Variants in HIKESHI observed in about 807,000 individuals in gnomAD.
The protein encoded by HIKESHI is heat shock protein nuclear import factor hikeshi.
Under a neutral mutation model 25.7 loss-of-function variants are expected in HIKESHI, and 13 were observed. The ratio of observed to expected loss-of-function variants is 0.51; its 90% CI spans 0.33 to 0.80. The LOEUF (loss-of-function observed/expected upper bound fraction) is 0.80, where lower values mean the gene tolerates loss of function less well. Among genes scored for constraint, HIKESHI ranks in the 30% least tolerant of loss-of-function variants. The pLI is 0.02. For synonymous variants in HIKESHI, 76 were observed against 78.7 expected (o/e 0.97, Z 0.18); for missense variants, 174 against 229.5 (o/e 0.76, Z 1.56).
At chr11:86,307,619 T>C (rs1405309832) in intron 2 of HIKESHI, among the ~76,000 whole-genome samples, 1 of 103,398 alleles carries the variant, frequency 9.7e-6, no homozygotes, top group African/African-American at 3.4e-5. Flanking sequence ...ATAAAATATA[T>C]ATTATGTGTA....
In HIKESHI at chr11:86,341,708, G is replaced by A. The variant is rs560697843; in HGVS notation, c.421-2895G>A. 2.0e-4 allele frequency among the ~76,000 whole-genome samples: 30 copies of A among 151,784 alleles called. No individual in the cohort carries two copies. The South Asian group carries it at 6.0e-3, about 30-fold the overall frequency. ...TTGCCCAGACTGTCCTTTCTTTTTT[G>A]TTCTACTGTTGACTGACTATTCTCT... On this transcript the variant is annotated intron_variant, in intron 3 of 4. Coordinates refer to ENST00000278483, the MANE Select transcript of HIKESHI (RefSeq NM_016401.4).
At chr11:86,340,437 C>T (rs550625950) in intron 3 of HIKESHI, among the ~76,000 whole-genome samples, 17 of 152,286 alleles carry the variant, frequency 1.1e-4, no homozygotes, top group African/African-American at 3.6e-4. Flanking sequence ...TTTTAATGAT[C>T]GCCATTCTAA....
At chr11:86,305,593 C>T (rs146898330) in intron 1 of HIKESHI, among the ~76,000 whole-genome samples, 4,931 of 151,168 alleles carry the variant, frequency 0.033, 260 homozygotes, top group African/African-American at 0.11. Context: ...TCCATGTTGG[C>T]CAGGCTGGTT....
chr11:86,302,620 G>T, intron 1 of HIKESHI, 142 bp downstream of exon 1: 2 of 865,126 alleles, frequency 2.3e-6, no homozygotes, highest in Admixed American at 5.3e-5. Context: ...TGGAGCGTGG[G>T]AAGCTGGGTG....
Position 86,302,487 on chromosome 11 carries a change from G to A in HIKESHI, c.30+9G>A, listed in dbSNP as rs1285208980. On this transcript the variant is annotated intron_variant, in intron 1 of 4. Coordinates refer to ENST00000278483, the MANE Select transcript of HIKESHI (RefSeq NM_016401.4). ...TGGTGGCGGGGAGGCTGGTGAGGAT[G>A]GGACCGGGTGATATCAGGAAGGGGT... 3 of 1,557,298 alleles carry A rather than the reference G, an allele frequency of 1.9e-6. No individual in the cohort carries two copies. Among genetic ancestry groups the A allele is most frequent in the Non-Finnish European group, 2.6e-6 (3 of 1,150,388 alleles).
At chr11:86,312,964 G>A (rs964372315) in intron 2 of HIKESHI, among the ~76,000 whole-genome samples, 13 of 152,164 alleles carry the variant, frequency 8.5e-5, no homozygotes, top group African/African-American at 3.1e-4. Flanking sequence ...TGGGTAACCC[G>A]AGCTTTCTCT....
chr11:86,310,739 C>G (rs577691031), intron 2 of HIKESHI, among the ~76,000 whole-genome samples: 1 of 152,226 alleles, frequency 6.6e-6, no homozygotes, highest in South Asian at 2.1e-4. Flanking sequence ...TATGTGCCGT[C>G]AATACCAAGT....
chr11:86,303,888 A>G (rs1946556579), intron 1 of HIKESHI, among the ~76,000 whole-genome samples: 1 of 152,178 alleles, frequency 6.6e-6, no homozygotes, highest in Admixed American at 6.5e-5. Flanking sequence ...AGATTTGCAG[A>G]CTGTTCAGTA....
intron 2 of HIKESHI, among the ~76,000 whole-genome samples, chr11:86,322,138 C>T (rs983582456): frequency 3.3e-5 from 5 of 151,874 alleles, no homozygotes; most frequent in Non-Finnish European, 5.9e-5. Context: ...AGGTGAGCAC[C>T]GCCACACCCT....
In HIKESHI at chr11:86,312,490, G is replaced by T. The variant is rs188909597; in HGVS notation, c.268+6008G>T. Among the ~76,000 whole-genome samples, 33 of 152,070 alleles carry T rather than the reference G, an allele frequency of 2.2e-4. No homozygotes were observed. In the East Asian group the frequency reaches 4.2e-3, roughly 20 times the overall value. On this transcript the variant is annotated intron_variant, in intron 2 of 4. Transcript: ENST00000278483. The stretch of plus-strand genomic sequence containing the variant: ...ATGGGTCTCCTGAATACAGCACACC[G>T]ATGGGTCTTGACTCTTTATCCAATT...
At chr11:86,319,232 A>ATG (rs1316141248) in intron 2 of HIKESHI, among the ~76,000 whole-genome samples, 6 of 89,422 alleles carry the variant, frequency 6.7e-5, no homozygotes, top group African/African-American at 2.2e-4. Flanking sequence ...ATATATATAT[A>ATG]TATATATATA....
chr11:86,330,496 A>G (rs1947394696), intron 2 of HIKESHI, among the ~76,000 whole-genome samples: 2 of 152,212 alleles, frequency 1.3e-5, no homozygotes, highest in Non-Finnish European at 2.9e-5. Flanking sequence ...TATTTTCTTC[A>G]AAGTCTAGAA....
intron 2 of HIKESHI, among the ~76,000 whole-genome samples, chr11:86,336,555 G>T (rs1039368793): frequency 1.3e-5 from 2 of 152,152 alleles, no homozygotes; most frequent in Non-Finnish European, 2.9e-5. Flanking sequence ...TACCAAATCT[G>T]CCGGTTCCTT....
chr11:86,324,734 C>T (rs1410149502), intron 2 of HIKESHI, among the ~76,000 whole-genome samples: 1 of 152,126 alleles, frequency 6.6e-6, no homozygotes, highest in Non-Finnish European at 1.5e-5. Flanking sequence ...ATTGGGAAAA[C>T]CTTGCTAACT....
chr11:86,337,580 A>C, intron 3 of HIKESHI, 50 bp downstream of exon 3: 1 of 1,551,244 alleles, frequency 6.4e-7, no homozygotes, highest in Non-Finnish European at 8.8e-7. Context: ...CTGCTTTATT[A>C]AGGTATAATA....
rs531213457 is a variant in HIKESHI at position 86,336,176 on chromosome 11, A to C, written c.269-1203A>C. Among the ~76,000 whole-genome samples, 3 of 152,354 alleles carry C rather than the reference A, an allele frequency of 2.0e-5. No homozygotes were observed. In the East Asian group the frequency reaches 5.8e-4, roughly 29 times the overall value. On this transcript the variant is annotated intron_variant, in intron 2 of 4. Transcript: ENST00000278483. ...AATCAGTGAAGTCGAAGATAAATTA[A>C]TTGGAATATCCAGTTTGAAGAGCAG...
At chr11:86,342,723 ATTT>A (rs57183083) in intron 3 of HIKESHI, among the ~76,000 whole-genome samples, 1 of 148,882 alleles carries the variant, frequency 6.7e-6, no homozygotes, top group Non-Finnish European at 1.5e-5. Context: ...AATTTGTCCC[ATTT>A]TTTTTTTTTT....
Position 86,345,715 on chromosome 11 carries a change from G to T in HIKESHI, c.*77G>T. 1 of 799,678 alleles carries T rather than the reference G, an allele frequency of 1.3e-6. No homozygotes were observed. Among genetic ancestry groups the T allele is most frequent in the Non-Finnish European group, 2.0e-6 (1 of 512,770 alleles). The allele number at this position is 799,678 out of a possible 1,614,324, so 49.5% of individuals were successfully genotyped here. A position where few individuals can be genotyped will look rare whatever the true frequency, so the allele number is the denominator to read the frequency against. On this transcript the variant is annotated 3_prime_UTR_variant, in exon 5 of 5. Transcript: ENST00000278483. Reference sequence around the variant, plus strand: ...TAACTGACTCCATCTAAAAGTATGAGGTCAAAGGATCACGAAACCTAAGTT... The same window carrying T: ...TAACTGACTCCATCTAAAAGTATGATGTCAAAGGATCACGAAACCTAAGTT...
Position 86,344,644 on chromosome 11 carries a change from A to G in HIKESHI, c.462A>G (p.Ser154=). 12 of 1,610,170 alleles carry G rather than the reference A, an allele frequency of 7.5e-6. No individual in the cohort carries two copies. The highest frequency in any genetic ancestry group is 1.0e-5 in the Non-Finnish European group (12 of 1,177,498). Residue 154 remains serine (S), a synonymous_variant, in exon 4 of 5, where the codon TCA becomes TCG. Coordinates refer to ENST00000278483, the MANE Select transcript of HIKESHI (RefSeq NM_016401.4). ...KMLDNFYNFA[S]SFAVSQAQMT... is the part of the protein sequence containing the mutation. The stretch of plus-strand genomic sequence containing the variant: ...TGGACAATTTCTACAATTTTGCTTC[A>G]TCATTTGCTGTCTCTCAGGCCCAGA...
Sources: gnomAD v4.1 joint callset for allele counts (sites outside exome capture counted in the v4.1 genomes callset) on GRCh38, gnomAD v4.1.1 for gene constraint, MANE v1.5 for transcripts, NCBI Gene and HGNC (gene_info 2026-07-23, HGNC 2026-07-21) for gene names.